The following ADAMTSL1 variants were observed in gnomAD, a reference collection of about 807,000 sequenced individuals.
The protein encoded by ADAMTSL1 is ADAMTS-like protein 1.
In ADAMTSL1, 126 loss-of-function variants were observed where a neutral mutation model predicts 201.8. The ratio of observed to expected loss-of-function variants is 0.62; its 90% CI spans 0.54 to 0.72. ADAMTSL1 has a LOEUF of 0.72. Ranked by LOEUF, ADAMTSL1 falls within the 30% of genes least tolerant of loss-of-function variation. The probability of loss-of-function intolerance (pLI) is 0.00; values close to 1 mark genes in which losing one functional copy is unlikely to be tolerated. For missense variants in ADAMTSL1, 2,679 were observed against 2,277.8 expected (o/e 1.18, Z -3.59); for synonymous variants, 1,121 against 903.4 (o/e 1.24, Z -4.32).
intron 3 of ADAMTSL1, among the ~76,000 whole-genome samples, chr9:18,547,631 TATAAAAAAA>T (rs1195626089): frequency 1.2e-5 from 1 of 83,292 alleles, no homozygotes; most frequent in African/African-American, 4.8e-5. Flanking sequence ...TGTATATATA[TATAAAAAAA>T]AAAAAAAAAA....
intron 1 of ADAMTSL1, among the ~76,000 whole-genome samples, chr9:18,015,383 G>C (rs1304509758): frequency 6.6e-6 from 1 of 152,046 alleles, no homozygotes; most frequent in Admixed American, 6.6e-5. Context: ...TTAAAATTTA[G>C]CCTCTAGCTA....
At chr9:18,050,449 T>A (rs753418784) in intron 1 of ADAMTSL1, among the ~76,000 whole-genome samples, 7 of 152,122 alleles carry the variant, frequency 4.6e-5, no homozygotes, top group Non-Finnish European at 8.8e-5. Flanking sequence ...AATAAAAAAA[T>A]TATTATCTAA....
At chr9:18,356,650 C>T (rs1359623873) in intron 2 of ADAMTSL1, among the ~76,000 whole-genome samples, 3 of 145,834 alleles carry the variant, frequency 2.1e-5, no homozygotes, top group Non-Finnish European at 4.5e-5. Flanking sequence ...TTTCCTACTT[C>T]ATTTTGCACT....
At chr9:18,525,066 G>A (rs1205382589) in intron 2 of ADAMTSL1, among the ~76,000 whole-genome samples, 1 of 152,104 alleles carries the variant, frequency 6.6e-6, no homozygotes, top group Admixed American at 6.5e-5. Flanking sequence ...GAATCTGTCT[G>A]GTCCTGGACT....
At chr9:17,959,617 C>T (rs927645878) in intron 1 of ADAMTSL1, among the ~76,000 whole-genome samples, 1 of 152,034 alleles carries the variant, frequency 6.6e-6, no homozygotes, top group Admixed American at 6.6e-5. Context: ...TGCCACCATG[C>T]CTGGCTAATT....
intron 1 of ADAMTSL1, among the ~76,000 whole-genome samples, chr9:18,026,786 G>T (rs756282534): frequency 1.6e-4 from 24 of 152,048 alleles, no homozygotes; most frequent in Non-Finnish European, 2.9e-4. Context: ...ATTGATAGCA[G>T]CTCTTCTTTG....
intron 14 of ADAMTSL1, among the ~76,000 whole-genome samples, chr9:18,716,694 T>C (rs1419045741): frequency 2.0e-5 from 3 of 148,246 alleles, no homozygotes; most frequent in Non-Finnish European, 4.5e-5. Context: ...TCCTCAGGGA[T>C]CTAGAACTAG....
intron 19 of ADAMTSL1, among the ~76,000 whole-genome samples, chr9:18,788,594 G>A (rs534800033): frequency 4.6e-5 from 7 of 152,210 alleles, no homozygotes; most frequent in African/African-American, 1.7e-4. Context: ...ATGGTAGTAA[G>A]GATTCAATAA....
chr9:18,311,268 G>C (rs556004030), intron 2 of ADAMTSL1, among the ~76,000 whole-genome samples: 64 of 152,018 alleles, frequency 4.2e-4, no homozygotes, highest in African/African-American at 1.4e-3. Flanking sequence ...AAATATTGAT[G>C]GGTGCAGCAA....
intron 2 of ADAMTSL1, among the ~76,000 whole-genome samples, chr9:18,420,390 T>C (rs922816785): frequency 2.6e-5 from 4 of 152,196 alleles, no homozygotes; most frequent in Non-Finnish European, 5.9e-5. Flanking sequence ...GTGTCTGGCA[T>C]GGAATTCTTT....
chr9:18,509,766 A>G (rs1817922043), intron 2 of ADAMTSL1, among the ~76,000 whole-genome samples: 2 of 152,220 alleles, frequency 1.3e-5, no homozygotes, highest in Non-Finnish European at 2.9e-5. Flanking sequence ...CAGAGTCAGA[A>G]TGGGAGAGCC....
intron 7 of ADAMTSL1, among the ~76,000 whole-genome samples, chr9:18,645,418 T>C (rs150876518): frequency 0.047 from 7,073 of 152,036 alleles, 207 homozygotes; most frequent in Middle Eastern, 0.12. Context: ...CAGTTTTGGC[T>C]TTTGTTGCCA....
chr9:17,950,750 G>T (rs886785461), intron 1 of ADAMTSL1, among the ~76,000 whole-genome samples: 1 of 151,988 alleles, frequency 6.6e-6, no homozygotes, highest in African/African-American at 2.4e-5. Context: ...AAAACAGATG[G>T]CACGGCACAC....
At chr9:18,133,528 A>T (rs1045200148) in intron 1 of ADAMTSL1, among the ~76,000 whole-genome samples, 1 of 152,198 alleles carries the variant, frequency 6.6e-6, no homozygotes. Context: ...CTGGCTGCAC[A>T]TTTAGAACAC....
chr9:18,453,935 C>G (rs1462278572), intron 2 of ADAMTSL1, among the ~76,000 whole-genome samples: 2 of 152,146 alleles, frequency 1.3e-5, no homozygotes, highest in Non-Finnish European at 2.9e-5. Context: ...AATTATCTTC[C>G]TCTAGAACCA....
At chr9:18,514,327 C>CTTTTTTTTTTTTTTTTTTTTTT (rs397963773) in intron 2 of ADAMTSL1, among the ~76,000 whole-genome samples, 1 of 100,104 alleles carries the variant, frequency 1.0e-5, no homozygotes. Flanking sequence ...ATTTTTCTTT[C>CTTTTTTTTTTTTTTTTTTTTTT]TTTTTTTTTT....
intron 4 of ADAMTSL1, among the ~76,000 whole-genome samples, chr9:18,615,609 G>A (rs916205829): frequency 4.6e-5 from 7 of 152,188 alleles, no homozygotes; most frequent in African/African-American, 1.2e-4. Context: ...TTATTCACCA[G>A]CTATGTGACC....
intron 2 of ADAMTSL1, among the ~76,000 whole-genome samples, chr9:18,429,975 AG>A (rs1173862589): frequency 6.6e-6 from 1 of 151,946 alleles, no homozygotes; most frequent in Non-Finnish European, 1.5e-5. Flanking sequence ...TTTTTAGTAG[AG>A]ACAGGGTTTC....
intron 2 of ADAMTSL1, among the ~76,000 whole-genome samples, chr9:18,525,090 A>G (rs1166270685): frequency 1.3e-5 from 2 of 152,032 alleles, no homozygotes; most frequent in Non-Finnish European, 2.9e-5. Flanking sequence ...TTTGGTTGGT[A>G]GGCTATTAAT....
Sources: allele counts gnomAD v4.1 joint callset (sites outside exome capture counted in the v4.1 genomes callset), GRCh38; gene constraint gnomAD v4.1.1; transcripts MANE v1.5; gene names NCBI Gene and HGNC (gene_info 2026-07-23, HGNC 2026-07-21).